The following PRELID2 variants were observed in gnomAD, a reference collection of about 807,000 sequenced individuals.
The protein encoded by PRELID2 is PRELI domain containing 2, also known as PRELI domain-containing protein 2.
In PRELID2, 25 loss-of-function variants were observed where a neutral mutation model predicts 28.4. The observed-to-expected ratio is 0.88, with a 90% CI of 0.64 to 1.23. The LOEUF (loss-of-function observed/expected upper bound fraction) is 1.23, where lower values mean the gene tolerates loss of function less well. Ranked by LOEUF, PRELID2 falls within the 50% of genes most tolerant of loss-of-function variation. PRELID2 has a pLI of 0.00. For synonymous variants in PRELID2, 76 were observed against 71.6 expected (o/e 1.06, Z -0.31); for missense variants, 201 against 214.4 (o/e 0.94, Z 0.39).
the PRELID2 span, chr5:145,229,142 G>C: frequency 9.1e-7 from 1 of 1,101,104 alleles, no homozygotes; most frequent in Non-Finnish European, 1.4e-6. Flanking sequence ...AGCGGGTGGG[G>C]GCCAAGTGTG....
intron 5 of PRELID2, among the ~76,000 whole-genome samples, chr5:145,790,721 G>A (rs3995509): frequency 9.0e-5 from 10 of 110,906 alleles, no homozygotes; most frequent in East Asian, 2.9e-4. Context: ...GTGTGTGTGT[G>A]TATATATATA....
the PRELID2 span, among the ~76,000 whole-genome samples, chr5:145,408,372 G>A: frequency 4.4e-5 from 6 of 136,452 alleles, no homozygotes; most frequent in Non-Finnish European, 9.7e-5. Context: ...AGCAGAGAAA[G>A]ATGAAAACCA....
chr5:145,367,812 TTGTC>T, the PRELID2 span, among the ~76,000 whole-genome samples: 1 of 151,742 alleles, frequency 6.6e-6, no homozygotes, highest in Non-Finnish European at 1.5e-5. Context: ...TAATATTTCA[TTGTC>T]TGGATGAACC....
At chr5:145,634,220 T>C (rs1196602956) in intron 1 of PRELID2, among the ~76,000 whole-genome samples, 1 of 152,202 alleles carries the variant, frequency 6.6e-6, no homozygotes, top group Non-Finnish European at 1.5e-5. Context: ...TTGCAATCCC[T>C]GTATTTCAAT....
intron 1 of PRELID2, among the ~76,000 whole-genome samples, chr5:145,642,401 G>C (rs1431457634): frequency 6.6e-6 from 1 of 152,164 alleles, no homozygotes; most frequent in Non-Finnish European, 1.5e-5. Context: ...GTTCTTTGTA[G>C]ATTCTGGATA....
the PRELID2 span, among the ~76,000 whole-genome samples, chr5:145,331,682 C>G: frequency 3.9e-5 from 6 of 151,910 alleles, no homozygotes; most frequent in East Asian, 7.7e-4. Context: ...TGAGATATGT[C>G]TCCTGAATAC....
chr5:145,293,939 C>T, the PRELID2 span, among the ~76,000 whole-genome samples: 1 of 152,132 alleles, frequency 6.6e-6, no homozygotes, highest in South Asian at 2.1e-4. Context: ...TAAAGATTGG[C>T]CACCTATGCC....
chr5:145,660,546 G>C (rs1754473313), intron 1 of PRELID2, among the ~76,000 whole-genome samples: 1 of 152,202 alleles, frequency 6.6e-6, no homozygotes, highest in Non-Finnish European at 1.5e-5. Flanking sequence ...AATGGCTCCA[G>C]CAGTAACAGC....
intron 1 of PRELID2, among the ~76,000 whole-genome samples, chr5:145,606,427 T>C (rs1753505611): frequency 6.6e-6 from 1 of 152,150 alleles, no homozygotes. Context: ...CTCTTATTAT[T>C]TTGAGGTATA....
At chr5:145,608,487 T>TCCATCA (rs1037722076) in intron 1 of PRELID2, among the ~76,000 whole-genome samples, 9 of 152,220 alleles carry the variant, frequency 5.9e-5, no homozygotes, top group Non-Finnish European at 1.3e-4. Context: ...ATCTTATTTC[T>TCCATCA]CCATCACTTA....
intron 1 of PRELID2, among the ~76,000 whole-genome samples, chr5:145,516,855 T>C (rs957853952): frequency 3.3e-5 from 5 of 152,206 alleles, no homozygotes; most frequent in African/African-American, 1.2e-4. Flanking sequence ...CCATCTGATC[T>C]TTGACAAACC....
the PRELID2 span, among the ~76,000 whole-genome samples, chr5:145,432,136 T>A: frequency 1.3e-5 from 2 of 152,138 alleles, no homozygotes; most frequent in South Asian, 4.1e-4. Flanking sequence ...AGTAAAATGA[T>A]TGCTTCTGAG....
At chr5:145,571,116 C>A (rs1453572092) in intron 1 of PRELID2, among the ~76,000 whole-genome samples, 2 of 152,130 alleles carry the variant, frequency 1.3e-5, no homozygotes, top group African/African-American at 2.4e-5. Flanking sequence ...AAACTTAATT[C>A]TTTGAAAACA....
At chr5:145,430,443 A>G in the PRELID2 span, among the ~76,000 whole-genome samples, 1 of 152,168 alleles carries the variant, frequency 6.6e-6, no homozygotes, top group Admixed American at 6.5e-5. Flanking sequence ...GGCAAGCGGC[A>G]CCTTCATGGA....
intron 1 of PRELID2, among the ~76,000 whole-genome samples, chr5:145,568,792 C>A (rs1157724173): frequency 6.6e-6 from 1 of 152,198 alleles, no homozygotes; most frequent in African/African-American, 2.4e-5. Context: ...TTCCTGCATG[C>A]TAGCACAATA....
At chr5:145,516,308 T>A (rs1255780190) in intron 1 of PRELID2, among the ~76,000 whole-genome samples, 1 of 152,072 alleles carries the variant, frequency 6.6e-6, no homozygotes, top group Non-Finnish European at 1.5e-5. Context: ...GGATACAAAA[T>A]CAATGTGCAA....
At chr5:145,267,998 A>T in the PRELID2 span, among the ~76,000 whole-genome samples, 1 of 152,036 alleles carries the variant, frequency 6.6e-6, no homozygotes, top group African/African-American at 2.4e-5. Flanking sequence ...TTTAAATCAG[A>T]TAATATTTTT....
At chr5:145,518,115 A>G (rs1368663518) in intron 1 of PRELID2, among the ~76,000 whole-genome samples, 1 of 148,196 alleles carries the variant, frequency 6.7e-6, no homozygotes, top group Non-Finnish European at 1.5e-5. Context: ...CATTTTGCAA[A>G]TGTGTCCCAG....
the PRELID2 span, among the ~76,000 whole-genome samples, chr5:145,451,465 G>C: frequency 6.6e-6 from 1 of 152,126 alleles, no homozygotes; most frequent in African/African-American, 2.4e-5. Flanking sequence ...TGTTTTAAAT[G>C]GCTTCATGTA....
Sources: allele counts gnomAD v4.1 joint callset (sites outside exome capture counted in the v4.1 genomes callset), GRCh38; gene constraint gnomAD v4.1.1; transcripts MANE v1.5; gene names NCBI Gene and HGNC (gene_info 2026-07-23, HGNC 2026-07-21).